BABAM2: variants seen among roughly 807,000 people sequenced by gnomAD.
BABAM2 encodes the protein BRISC and BRCA1-A complex member 2.
In BABAM2, 31 loss-of-function variants were observed where a neutral mutation model predicts 54.7. That is an observed-to-expected ratio of 0.57 (90% confidence interval 0.43 to 0.77). The LOEUF is 0.77. BABAM2 is among the 30% of genes least tolerant of loss of function. BABAM2 has a pLI of 0.00. For synonymous variants in BABAM2, 167 were observed against 162.9 expected (o/e 1.03, Z -0.19); for missense variants, 364 against 455.8 (o/e 0.80, Z 1.83).
chr2:27,952,580 TTTTC>T (rs1323710631), intron 3 of BABAM2, among the ~76,000 whole-genome samples: 1 of 152,206 alleles, frequency 6.6e-6, no homozygotes, highest in Non-Finnish European at 1.5e-5. Context: ...GAACTATTCT[TTTTC>T]TTTATTATTC....
chr2:28,186,260 T>A (rs1676268566), intron 7 of BABAM2, among the ~76,000 whole-genome samples: 1 of 152,228 alleles, frequency 6.6e-6, no homozygotes, highest in Non-Finnish European at 1.5e-5. Flanking sequence ...AGTAGAATAG[T>A]GTAATGAACC....
chr2:27,963,607 T>A lies in BABAM2; in HGVS notation c.206-24386T>A, dbSNP rs114373537. Among the ~76,000 whole-genome samples, 480 of 152,198 alleles carry A rather than the reference T, an allele frequency of 3.2e-3. 1 individual carries two copies. The highest frequency in any genetic ancestry group is 0.01 in the African/African-American group (420 of 41,550). ...CATGGATTTACATAGAAGCAAGTTA[T>A]ACCAAACTAGTCTTAACGGTTTTTT... On this transcript the variant is annotated intron_variant, in intron 3 of 11. Transcript: ENST00000379624.
intron 7 of BABAM2, among the ~76,000 whole-genome samples, chr2:28,205,470 T>G (rs1463113621): frequency 6.6e-6 from 1 of 151,976 alleles, no homozygotes; most frequent in Non-Finnish European, 1.5e-5. Context: ...GCCACTGCGC[T>G]CCAGCCTGGC....
At chr2:28,215,355 T>A (rs1432124317) in intron 7 of BABAM2, among the ~76,000 whole-genome samples, 1 of 152,172 alleles carries the variant, frequency 6.6e-6, no homozygotes, top group African/African-American at 2.4e-5. Context: ...TCTAATGTTG[T>A]CAAGATTAAA....
rs920893887 is a variant in BABAM2, at chr2:28,235,042, C to G, written c.681-2160C>G. On this transcript the variant is annotated intron_variant, in intron 7 of 11. Coordinates refer to ENST00000379624, the MANE Select transcript of BABAM2 (RefSeq NM_199191.3). ...ACTGTCTTATAATTTTCTCAGCTGT[C>G]AGAGTTGTGCTTTTAGGTAACATCT... is the stretch of plus-strand genomic sequence containing the variant. Among the ~76,000 whole-genome samples, 6 of 152,194 alleles carry G rather than the reference C, an allele frequency of 3.9e-5. No homozygotes were observed. In the East Asian group the frequency reaches 1.2e-3, roughly 29 times the overall value.
chr2:28,239,984 C>A (rs1454876336), intron 8 of BABAM2, among the ~76,000 whole-genome samples: 1 of 152,062 alleles, frequency 6.6e-6, no homozygotes, highest in African/African-American at 2.4e-5. Flanking sequence ...AAATGTTCAA[C>A]CTGGACCTAA....
At chr2:28,123,376 T>C (rs909629988) in intron 6 of BABAM2, among the ~76,000 whole-genome samples, 9 of 152,172 alleles carry the variant, frequency 5.9e-5, no homozygotes, top group Non-Finnish European at 1.2e-4. Flanking sequence ...GGGACAATAG[T>C]CTTCTTTAGC....
intron 3 of BABAM2, among the ~76,000 whole-genome samples, chr2:27,938,255 G>A (rs1025406306): frequency 2.0e-4 from 30 of 152,208 alleles, no homozygotes; most frequent in African/African-American, 6.0e-4. Flanking sequence ...CATAATATTC[G>A]TCTTTAGATG....
chr2:27,912,593 C>T (rs1032112915), intron 2 of BABAM2, among the ~76,000 whole-genome samples: 3 of 152,012 alleles, frequency 2.0e-5, no homozygotes, highest in Non-Finnish European at 2.9e-5. Flanking sequence ...GAATTCAGGA[C>T]GCGAGAGACC....
chr2:28,313,534 T>C (rs1689258353), intron 11 of BABAM2, among the ~76,000 whole-genome samples: 1 of 152,118 alleles, frequency 6.6e-6, no homozygotes, highest in Non-Finnish European at 1.5e-5. Flanking sequence ...AGTAGTTTGT[T>C]TGTCTCCTTG....
At chr2:28,227,383 G>A (rs1680986386) in intron 7 of BABAM2, among the ~76,000 whole-genome samples, 1 of 152,112 alleles carries the variant, frequency 6.6e-6, no homozygotes, top group Non-Finnish European at 1.5e-5. Flanking sequence ...CGCATGGTCT[G>A]CTGTCCACAT....
intron 6 of BABAM2, among the ~76,000 whole-genome samples, chr2:28,116,835 CCA>C (rs1337819746): frequency 6.6e-5 from 10 of 152,258 alleles, no homozygotes; most frequent in Middle Eastern, 3.4e-3. Context: ...CTCCAAATAC[CCA>C]CATTTAGCAT....
intron 6 of BABAM2, among the ~76,000 whole-genome samples, chr2:28,125,271 T>G (rs1002814245): frequency 6.6e-6 from 1 of 152,004 alleles, no homozygotes; most frequent in Non-Finnish European, 1.5e-5. Flanking sequence ...TATTTTTTTA[T>G]TTTGTTATTT....
intron 10 of BABAM2, among the ~76,000 whole-genome samples, chr2:28,268,385 G>A (rs1282636407): frequency 1.3e-5 from 2 of 152,226 alleles, no homozygotes; most frequent in Admixed American, 1.3e-4. Flanking sequence ...AGACAATGGA[G>A]AGAGAGGGAT....
intron 3 of BABAM2, among the ~76,000 whole-genome samples, chr2:27,948,271 A>G (rs1558610712): frequency 1.4e-5 from 2 of 147,784 alleles, no homozygotes; most frequent in African/African-American, 5.0e-5. Flanking sequence ...GATACAGTTG[A>G]TTTTTTTTTT....
intron 10 of BABAM2, among the ~76,000 whole-genome samples, chr2:28,257,860 G>C (rs1489579675): frequency 6.6e-6 from 1 of 152,032 alleles, no homozygotes; most frequent in Non-Finnish European, 1.5e-5. Flanking sequence ...ACTCCAGCCT[G>C]GGTTACAGAG....
At chr2:28,334,028 G>A (rs1412113203) in intron 11 of BABAM2, among the ~76,000 whole-genome samples, 2 of 152,058 alleles carry the variant, frequency 1.3e-5, no homozygotes, top group Non-Finnish European at 1.5e-5. Flanking sequence ...CTCCCACTCC[G>A]TTAACTAACT....
chr2:28,329,721 A>G lies in BABAM2; in HGVS notation c.1089-8729A>G, dbSNP rs1481955962. On this transcript the variant is annotated intron_variant, in intron 11 of 11. Transcript: ENST00000379624. The surrounding 1 kb of genome is among the most constrained non-coding windows in gnomAD (Gnocchi z 4.2). Reference sequence around the variant, plus strand: ...TACCAACCAAAAAAAGCCCAGGACCAGATGAATTTACAGCTGAATTCTACC... The same window carrying G: ...TACCAACCAAAAAAAGCCCAGGACCGGATGAATTTACAGCTGAATTCTACC... Among the ~76,000 whole-genome samples, 3 of 152,242 alleles carry G rather than the reference A, an allele frequency of 2.0e-5. No individual in the cohort carries two copies. Among genetic ancestry groups the G allele is most frequent in the Admixed American group, 2.0e-4 (3 of 15,290 alleles).
chr2:28,230,718 G>GAAA (rs147700429), intron 7 of BABAM2, among the ~76,000 whole-genome samples: 14,839 of 141,186 alleles, frequency 0.11, 893 homozygotes, highest in Middle Eastern at 0.16. Flanking sequence ...CCTGTCTCAG[G>GAAA]AAAAAAAAAA....
Sources: gnomAD v4.1 joint callset for allele counts (sites outside exome capture counted in the v4.1 genomes callset) on GRCh38, gnomAD v4.1.1 for gene constraint, Gnocchi (gnomAD v3.1) non-coding constraint, MANE v1.5 for transcripts, NCBI Gene and HGNC (gene_info 2026-07-23, HGNC 2026-07-21) for gene names.